Variants in ADIPOR2 observed in about 807,000 individuals in gnomAD.
ADIPOR2 encodes adiponectin receptor 2.
Under a neutral mutation model 40.9 loss-of-function variants are expected in ADIPOR2, and 18 were observed. The observed-to-expected ratio is 0.44, with a 90% CI of 0.30 to 0.65. The LOEUF is 0.65. ADIPOR2 is among the 30% of genes least tolerant of loss of function. The pLI is 0.09. For missense variants in ADIPOR2, 283 were observed against 479.2 expected, an observed-to-expected ratio of 0.59 and a Z score of 3.82; for synonymous variants, 165 against 166.4, an observed-to-expected ratio of 0.99 and a Z score of 0.06.
chr12:1,736,802 G>C (rs1288442563), intron 1 of ADIPOR2, among the ~76,000 whole-genome samples: 2 of 152,142 alleles, frequency 1.3e-5, no homozygotes, highest in Non-Finnish European at 2.9e-5. Context: ...CAGAGAATCT[G>C]GTATGTTGTG....
At chr12:1,778,119 AT>A in intron 4 of ADIPOR2, 94 bp downstream of exon 4, 1 of 1,358,582 alleles carries the variant, frequency 7.4e-7, no homozygotes, top group Non-Finnish European at 9.7e-7. Flanking sequence ...TCAGAAATGT[AT>A]TTGGATTTGC....
chr12:1,693,495 T>C (rs11061920), intron 1 of ADIPOR2, among the ~76,000 whole-genome samples: 40,469 of 151,464 alleles, frequency 0.27, 6,040 homozygotes, highest in Admixed American at 0.44. Context: ...TGAACTCAAA[T>C]TGATAAATGT....
At chr12:1,753,913 ATTC>A (rs1862057790) in intron 1 of ADIPOR2, among the ~76,000 whole-genome samples, 1 of 152,220 alleles carries the variant, frequency 6.6e-6, no homozygotes, top group Admixed American at 6.5e-5. Context: ...CAAAGTAAGT[ATTC>A]TTCTCACTTC....
chr12:1,743,229 C>CAAAA lies in ADIPOR2; in HGVS notation c.-86-11015_-86-11012dup, dbSNP rs552711963. ...CAGCATGGTGAAACCCCATCTCTACCAAAAAAAAAAAAAAAAACAAAGCAG... is the reference window on the plus strand; with the variant it reads ...CAGCATGGTGAAACCCCATCTCTACCAAAAAAAAAAAAAAAAAAAAACAAAGCAG... On this transcript the variant is annotated intron_variant, in intron 1 of 7. Coordinates refer to ENST00000357103, the MANE Select transcript of ADIPOR2 (RefSeq NM_024551.3). Among the ~76,000 whole-genome samples the CAAAA allele has an allele frequency of 2.4e-3, 135 of 55,256 alleles. 4 individuals carry two copies. The highest frequency in any genetic ancestry group is 7.6e-3 in the African/African-American group (115 of 15,102). The allele number at this position is 55,256 out of a possible 152,430, so 36.3% of individuals were successfully genotyped here. A position where few individuals can be genotyped will look rare whatever the true frequency, so the allele number is the denominator to read the frequency against.
At chr12:1,691,774 C>T (rs1259856482) in intron 1 of ADIPOR2, among the ~76,000 whole-genome samples, 1 of 152,106 alleles carries the variant, frequency 6.6e-6, no homozygotes, top group Non-Finnish European at 1.5e-5. Flanking sequence ...TCTAAAATTA[C>T]CGATGACAGG....
intron 1 of ADIPOR2, among the ~76,000 whole-genome samples, chr12:1,739,839 G>A (rs1207807792): frequency 3.3e-5 from 5 of 152,176 alleles, no homozygotes; most frequent in Non-Finnish European, 5.9e-5. Flanking sequence ...AGTGGCTCAC[G>A]CCAGTAATCC....
At chr12:1,728,980 T>TA (rs2094714022) in intron 1 of ADIPOR2, among the ~76,000 whole-genome samples, 1 of 134,594 alleles carries the variant, frequency 7.4e-6, no homozygotes, top group Admixed American at 8.2e-5. Context: ...TTTTTTTTTT[T>TA]TAACAAGACA....
chr12:1,775,793 A>G (rs563305815), intron 3 of ADIPOR2, among the ~76,000 whole-genome samples: 3 of 152,346 alleles, frequency 2.0e-5, no homozygotes, highest in African/African-American at 7.2e-5. Flanking sequence ...CACTAAAAGA[A>G]GCAGACTGCA....
At chr12:1,719,259 A>G (rs2094693376) in intron 1 of ADIPOR2, among the ~76,000 whole-genome samples, 2 of 152,146 alleles carry the variant, frequency 1.3e-5, no homozygotes, top group African/African-American at 2.4e-5. Flanking sequence ...GCAGGGCTCC[A>G]TGTTCTTCCC....
intron 7 of ADIPOR2, 24 bp downstream of exon 7, chr12:1,784,097 T>A (rs763248545): frequency 6.5e-7 from 1 of 1,539,556 alleles, no homozygotes; most frequent in Non-Finnish European, 8.8e-7. Flanking sequence ...GGTGACTGAG[T>A]GTGTAGGTAT....
At chr12:1,719,117 G>T (rs963698821) in intron 1 of ADIPOR2, among the ~76,000 whole-genome samples, 1 of 151,744 alleles carries the variant, frequency 6.6e-6, no homozygotes, top group African/African-American at 2.4e-5. Flanking sequence ...AGTAACATAT[G>T]TTGGGAACTT....
intron 3 of ADIPOR2, among the ~76,000 whole-genome samples, chr12:1,773,823 A>G (rs924238177): frequency 1.3e-5 from 2 of 152,218 alleles, no homozygotes; most frequent in African/African-American, 2.4e-5. Flanking sequence ...GAGACTAAAT[A>G]TAGGTTTTCT....
chr12:1,780,870 T>C lies in ADIPOR2; in HGVS notation c.651-19T>C, dbSNP rs1026194114. ...TTTTTAAATTACTGCATTAAATGGA[T>C]TTTTTTTTTCTGTCATAGACTGGAT... On this transcript the variant is annotated intron_variant, in intron 5 of 7. Coordinates refer to ENST00000357103, the MANE Select transcript of ADIPOR2 (RefSeq NM_024551.3). 2.8e-5 allele frequency: 42 copies of C among 1,474,998 alleles called. No individual in the cohort carries two copies. In the Admixed American group the frequency reaches 3.8e-4, roughly 13 times the overall value. 91.4% of individuals were successfully genotyped at this position (1,474,998 alleles called of 1,614,324 possible). A position where few individuals can be genotyped will look rare whatever the true frequency, so the allele number is the denominator to read the frequency against.
Position 1,778,028 on chromosome 12 carries a change from A to G in ADIPOR2, c.463+3A>G, listed in dbSNP as rs1389529576. 9.3e-6 allele frequency: 15 copies of G among 1,610,628 alleles called. No individual in the cohort carries two copies. The Admixed American group carries it at 1.3e-4, about 14-fold the overall frequency. ...CAACATTTGGACACATCTCTTAGGT[A>G]TGTAATGTCAGTGATGTAATGAGCT... On this transcript the variant is annotated splice_donor_region_variant and intron_variant, in intron 4 of 7. Transcript: ENST00000357103.
At chr12:1,720,738 G>A (rs993850606) in intron 1 of ADIPOR2, among the ~76,000 whole-genome samples, 11 of 152,152 alleles carry the variant, frequency 7.2e-5, no homozygotes, top group African/African-American at 2.4e-4. Flanking sequence ...AACAGGCTAT[G>A]GAATTGGCTT....
intron 1 of ADIPOR2, among the ~76,000 whole-genome samples, chr12:1,722,615 C>G (rs1020992480): frequency 1.3e-5 from 2 of 152,138 alleles, no homozygotes; most frequent in Admixed American, 6.5e-5. Context: ...TGACAATAGA[C>G]TCCTAAGAAA....
In ADIPOR2 at chr12:1,786,114, T is replaced by C; in HGVS notation, c.*42T>C. The C allele has an allele frequency of 6.3e-7, 1 of 1,589,018 alleles. No homozygotes were observed. Among genetic ancestry groups the C allele is most frequent in the Non-Finnish European group, 8.6e-7 (1 of 1,168,946 alleles). Reference sequence around the variant, plus strand: ...GGGACTATGACCCTAAACCAGGGCCTGCGGCACTTGCGGGCCTCCCTGCTG... The same window carrying C: ...GGGACTATGACCCTAAACCAGGGCCCGCGGCACTTGCGGGCCTCCCTGCTG... On this transcript the variant is annotated 3_prime_UTR_variant, in exon 8 of 8. Coordinates refer to ENST00000357103, the MANE Select transcript of ADIPOR2 (RefSeq NM_024551.3).
intron 1 of ADIPOR2, among the ~76,000 whole-genome samples, chr12:1,705,764 G>C (rs1233576242): frequency 6.6e-6 from 1 of 152,124 alleles, no homozygotes; most frequent in Non-Finnish European, 1.5e-5. Context: ...CTCCTTTAAA[G>C]ACATTGTTTT....
chr12:1,726,163 G>A (rs1351043826), intron 1 of ADIPOR2, among the ~76,000 whole-genome samples: 2 of 152,166 alleles, frequency 1.3e-5, no homozygotes, highest in African/African-American at 4.8e-5. Context: ...TTTGAGGTAT[G>A]AACTGAAGGG....
Sources: gnomAD v4.1 joint callset for allele counts (sites outside exome capture counted in the v4.1 genomes callset) on GRCh38, gnomAD v4.1.1 for gene constraint, MANE v1.5 for transcripts, NCBI Gene and HGNC (gene_info 2026-07-23, HGNC 2026-07-21) for gene names.